STAU2: variants seen among roughly 807,000 people sequenced by gnomAD.
STAU2 encodes the protein staufen double-stranded RNA binding protein 2.
In STAU2, 20 loss-of-function variants were observed where a neutral mutation model predicts 65.9. The ratio of observed to expected loss-of-function variants is 0.30; its 90% CI spans 0.21 to 0.44. The LOEUF is 0.44. Among genes scored for constraint, STAU2 ranks in the 20% least tolerant of loss-of-function variants. The pLI is 1.00. For synonymous variants in STAU2, 232 were observed against 233.9 expected (o/e 0.99, Z 0.07); for missense variants, 558 against 683.9 (o/e 0.82, Z 2.05).
chr8:73,683,555 A>T (rs1818581500), intron 5 of STAU2, among the ~76,000 whole-genome samples: 1 of 152,186 alleles, frequency 6.6e-6, no homozygotes, highest in South Asian at 2.1e-4. Flanking sequence ...GGAACAAGAC[A>T]AAGATGCCCA....
At chr8:73,540,263 C>G (rs1189785906) in intron 13 of STAU2, among the ~76,000 whole-genome samples, 1 of 152,180 alleles carries the variant, frequency 6.6e-6, no homozygotes, top group East Asian at 1.9e-4. Flanking sequence ...GAAGAATACA[C>G]ATACACAAAG....
At chr8:73,575,388 TG>T (rs2128958544) in intron 12 of STAU2, among the ~76,000 whole-genome samples, 2 of 152,302 alleles carry the variant, frequency 1.3e-5, no homozygotes, top group African/African-American at 4.8e-5. Context: ...CCTACACTGA[TG>T]GTAGAGACGT....
In STAU2 at chr8:73,604,993, G is replaced by GA. The variant is rs202125607; in HGVS notation, c.892-1131dup. ...TCCACAGATGCATTATTTGAAATAG[G>GA]AAAAAAAAACTAGAATATTCATCAA... On this transcript the variant is annotated intron_variant, in intron 9 of 14. Coordinates refer to ENST00000524300, the MANE Select transcript of STAU2 (RefSeq NM_001164380.2). Among the ~76,000 whole-genome samples the GA allele has an allele frequency of 2.5e-3, 378 of 149,502 alleles. 1 individual carries two copies. The highest frequency in any genetic ancestry group is 8.7e-3 in the African/African-American group (356 of 40,802).
chr8:73,478,305 T>TAAAAAAAAAAAAAAAAAAAAAAAAAAGAA, intron 13 of STAU2, among the ~76,000 whole-genome samples: 1 of 77,518 alleles, frequency 1.3e-5, no homozygotes, highest in Non-Finnish European at 2.6e-5. Flanking sequence ...ACTGATGAGC[T>TAAAAAAAAAAAAAAAAAAAAAAAAAAGAA]AAAAAAAAAA....
At chr8:73,426,083 GC>G (rs1306159528) in intron 13 of STAU2, among the ~76,000 whole-genome samples, 3 of 151,790 alleles carry the variant, frequency 2.0e-5, no homozygotes, top group Non-Finnish European at 2.9e-5. Context: ...ATGCGCCTCT[GC>G]CCCCAGCCTC....
intron 12 of STAU2, among the ~76,000 whole-genome samples, chr8:73,559,351 G>T (rs1269052247): frequency 6.6e-6 from 1 of 152,214 alleles, no homozygotes; most frequent in Non-Finnish European, 1.5e-5. Flanking sequence ...CACCAAAGTG[G>T]GAAGGACTGG....
intron 3 of STAU2, among the ~76,000 whole-genome samples, chr8:73,716,412 G>C (rs1431703424): frequency 6.6e-6 from 1 of 152,126 alleles, no homozygotes; most frequent in African/African-American, 2.4e-5. Flanking sequence ...TTCTAGTCTT[G>C]ACAGTGCCAC....
At chr8:73,718,299 G>A (rs377682132) in intron 3 of STAU2, among the ~76,000 whole-genome samples, 51 of 152,192 alleles carry the variant, frequency 3.4e-4, no homozygotes, top group African/African-American at 1.1e-3. Context: ...TATATTCTCC[G>A]TAAGGCATAT....
chr8:73,423,764 T>G (rs1306314871), intron 13 of STAU2, among the ~76,000 whole-genome samples: 2 of 152,176 alleles, frequency 1.3e-5, no homozygotes, highest in Non-Finnish European at 2.9e-5. Context: ...TCTTGTGAGG[T>G]TTACAGAAAA....
intron 13 of STAU2, among the ~76,000 whole-genome samples, chr8:73,465,294 C>T (rs944950999): frequency 2.0e-4 from 30 of 152,182 alleles, no homozygotes; most frequent in Admixed American, 9.2e-4. Flanking sequence ...TTCTAGCACA[C>T]GCAATAATAT....
intron 13 of STAU2, among the ~76,000 whole-genome samples, chr8:73,486,657 A>T (rs866237232): frequency 0.016 from 2,185 of 136,472 alleles, 30 homozygotes; most frequent in Middle Eastern, 0.023. Flanking sequence ...ATATATATAT[A>T]TTTTTTTTTT....
intron 11 of STAU2, among the ~76,000 whole-genome samples, chr8:73,591,882 T>TAAAAAAAAAAAAAAAAAAAAAA (rs34533172): frequency 5.6e-4 from 16 of 28,460 alleles, no homozygotes; most frequent in African/African-American, 1.3e-3. Context: ...ATCCCAGAGG[T>TAAAAAAAAAAAAAAAAAAAAAA]AAAAAAAAAA....
intron 6 of STAU2, among the ~76,000 whole-genome samples, chr8:73,656,295 T>A (rs1816366538): frequency 6.6e-6 from 1 of 152,224 alleles, no homozygotes; most frequent in South Asian, 2.1e-4. Flanking sequence ...CTGAGTTTTG[T>A]TATAACAAGG....
rs1168108358 is a variant in STAU2, at chr8:73,552,156, A to G, written c.1386T>C (p.Ala462=). ...FSISPTSNSS[A]TIARELLMNG... The stretch of plus-strand genomic sequence containing the variant: ...TCATAAGGAGTTCCCTGGCAATTGT[A>G]GCTGAACTATTCGATGTGGGAGATA... Residue 462 remains alanine (A), a synonymous_variant, in exon 13 of 15, where the codon GCT becomes GCC. Coordinates refer to ENST00000524300, the MANE Select transcript of STAU2 (RefSeq NM_001164380.2). The G allele has an allele frequency of 1.2e-6, 2 of 1,613,898 alleles. No homozygotes were observed. The highest frequency in any genetic ancestry group is 1.7e-6 in the Non-Finnish European group (2 of 1,179,896).
At chr8:73,494,742 CTT>C (rs373933178) in intron 13 of STAU2, among the ~76,000 whole-genome samples, 351 of 151,762 alleles carry the variant, frequency 2.3e-3, no homozygotes, top group African/African-American at 7.8e-3. Flanking sequence ...AGCAGAGACT[CTT>C]TTAAAAATGA....
chr8:73,564,335 C>T (rs931572134), intron 12 of STAU2, among the ~76,000 whole-genome samples: 1 of 152,152 alleles, frequency 6.6e-6, no homozygotes, highest in South Asian at 2.1e-4. Flanking sequence ...ATGTCCTTTG[C>T]AGGGACATGG....
chr8:73,694,806 C>T (rs1819591632), intron 4 of STAU2, among the ~76,000 whole-genome samples: 1 of 152,148 alleles, frequency 6.6e-6, no homozygotes, highest in African/African-American at 2.4e-5. Context: ...GGGAGGAGAG[C>T]ACGGCTATTG....
intron 12 of STAU2, among the ~76,000 whole-genome samples, chr8:73,574,922 A>ATAAC (rs1039005160): frequency 2.6e-5 from 4 of 151,648 alleles, no homozygotes; most frequent in African/African-American, 9.7e-5. Flanking sequence ...AAATAAATAA[A>ATAAC]TAAAATAAAA....
At chr8:73,559,496 T>C (rs1451409993) in intron 12 of STAU2, among the ~76,000 whole-genome samples, 3 of 152,190 alleles carry the variant, frequency 2.0e-5, no homozygotes, top group Admixed American at 2.0e-4. Flanking sequence ...GTGCTTGACT[T>C]TTAGCTACAT....
Sources: gnomAD v4.1 joint callset for allele counts (sites outside exome capture counted in the v4.1 genomes callset) on GRCh38, gnomAD v4.1.1 for gene constraint, MANE v1.5 for transcripts, NCBI Gene and HGNC (gene_info 2026-07-23, HGNC 2026-07-21) for gene names.